ROBO2: variants seen among roughly 807,000 people sequenced by gnomAD.
ROBO2 encodes the protein roundabout guidance receptor 2, also known as roundabout homolog 2.
A neutral mutation model predicts 160.8 loss-of-function variants in ROBO2; 53 were observed. That is an observed-to-expected ratio of 0.33 (90% CI 0.26 to 0.41). The LOEUF (loss-of-function observed/expected upper bound fraction) is 0.41. Among genes scored for constraint, ROBO2 ranks in the 10% least tolerant of loss-of-function variants. The probability of loss-of-function intolerance (pLI) is 1.00; values close to 1 mark genes in which losing one functional copy is unlikely to be tolerated. For synonymous variants in ROBO2, 664 were observed against 611.7 expected, an observed-to-expected ratio of 1.09 and a Z score of -1.26; for missense variants, 1,577 against 1,722.4, an observed-to-expected ratio of 0.92 and a Z score of 1.49.
intron 2 of ROBO2, among the ~76,000 whole-genome samples, chr3:77,325,797 A>G (rs2065318426): frequency 8.2e-6 from 1 of 121,756 alleles, no homozygotes; most frequent in South Asian, 2.7e-4. Flanking sequence ...TGCTCATCCA[A>G]TTCTAACAGT....
chr3:76,474,514 T>C (rs1560008068), intron 2 of ROBO2, among the ~76,000 whole-genome samples: 1 of 152,042 alleles, frequency 6.6e-6, no homozygotes, highest in Non-Finnish European at 1.5e-5. Context: ...AAAGCAGTAA[T>C]AAACAACAGC....
intron 1 of ROBO2, among the ~76,000 whole-genome samples, chr3:77,071,065 C>T (rs2067358834): frequency 6.6e-6 from 1 of 152,086 alleles, no homozygotes; most frequent in African/African-American, 2.4e-5. Context: ...CTAAGTCTTT[C>T]GGAAGCCGCA....
intron 2 of ROBO2, among the ~76,000 whole-genome samples, chr3:77,241,381 T>C (rs2089013381): frequency 6.6e-6 from 1 of 152,248 alleles, no homozygotes; most frequent in Admixed American, 6.5e-5. Flanking sequence ...TATCTTTTTA[T>C]TTGTAAGTTT....
At chr3:76,298,651 C>T (rs567195564) in intron 2 of ROBO2, among the ~76,000 whole-genome samples, 9 of 152,062 alleles carry the variant, frequency 5.9e-5, no homozygotes. Flanking sequence ...TTGTTTAACC[C>T]TCAAAACAAC....
At chr3:76,452,171 A>AT (rs1163985594) in intron 2 of ROBO2, among the ~76,000 whole-genome samples, 1 of 151,662 alleles carries the variant, frequency 6.6e-6, no homozygotes, top group Non-Finnish European at 1.5e-5. Flanking sequence ...CTTCCAACTT[A>AT]TTTTTTTATT....
Position 76,407,064 on chromosome 3 carries a change from A to G in ROBO2, c.109+469462A>G, listed in dbSNP as rs1434647510. Among the ~76,000 whole-genome samples, 3 of 150,380 alleles carry G rather than the reference A, an allele frequency of 2.0e-5. No individual in the cohort carries two copies. In the East Asian group the frequency reaches 5.9e-4, roughly 30 times the overall value. On this transcript the variant is annotated intron_variant, in intron 2 of 26. Coordinates refer to the ROBO2 transcript ENST00000487694. ...TTGCTTACTGTGTCCCAAACATGCAATGTTTCTTTTTTTAGACACACCAGT... is the reference window on the plus strand; with the variant it reads ...TTGCTTACTGTGTCCCAAACATGCAGTGTTTCTTTTTTTAGACACACCAGT...
intron 1 of ROBO2, among the ~76,000 whole-genome samples, chr3:75,935,722 CAT>C (rs1947745068): frequency 6.6e-6 from 1 of 152,156 alleles, no homozygotes. Flanking sequence ...CTTGAGCCTC[CAT>C]ACACAAGACA....
At chr3:76,132,070 C>T (rs2071243415) in intron 2 of ROBO2, among the ~76,000 whole-genome samples, 1 of 152,036 alleles carries the variant, frequency 6.6e-6, no homozygotes, top group Non-Finnish European at 1.5e-5. Context: ...CAGTGATTCA[C>T]CAGGAAGGAT....
chr3:76,394,986 T>G (rs1415150035), intron 2 of ROBO2, among the ~76,000 whole-genome samples: 1 of 152,088 alleles, frequency 6.6e-6, no homozygotes, highest in Non-Finnish European at 1.5e-5. Flanking sequence ...CTAATAGACA[T>G]CTACAGAACT....
chr3:76,724,418 G>T (rs148690227), intron 2 of ROBO2, among the ~76,000 whole-genome samples: 1 of 152,102 alleles, frequency 6.6e-6, no homozygotes, highest in African/African-American at 2.4e-5. Flanking sequence ...AACTATTTCC[G>T]CAAGTCTTCA....
intron 6 of ROBO2, among the ~76,000 whole-genome samples, chr3:77,530,013 C>T (rs2091525316): frequency 6.6e-6 from 1 of 151,552 alleles, no homozygotes. Context: ...AAAGTATAAG[C>T]CAAGTAAAAT....
At chr3:76,252,234 G>A (rs1706049289) in intron 2 of ROBO2, among the ~76,000 whole-genome samples, 2 of 152,026 alleles carry the variant, frequency 1.3e-5, no homozygotes, top group African/African-American at 4.8e-5. Context: ...TGAGCAGGCT[G>A]GGATTATACA....
chr3:77,309,874 C>A (rs943958326), intron 2 of ROBO2, among the ~76,000 whole-genome samples: 1 of 152,156 alleles, frequency 6.6e-6, no homozygotes, highest in African/African-American at 2.4e-5. Context: ...AAAACAGCAA[C>A]AGTAAGGCTT....
At chr3:77,135,929 A>C (rs1402959667) in intron 2 of ROBO2, among the ~76,000 whole-genome samples, 2 of 152,228 alleles carry the variant, frequency 1.3e-5, no homozygotes, top group African/African-American at 4.8e-5. Context: ...CAATTGCTTA[A>C]AGTTTTCATA....
At chr3:76,485,586 C>G (rs2079449641) in intron 2 of ROBO2, among the ~76,000 whole-genome samples, 1 of 152,118 alleles carries the variant, frequency 6.6e-6, no homozygotes, top group South Asian at 2.1e-4. Context: ...TGTGGAAAGA[C>G]CTTTGCCTTG....
chr3:76,467,459 C>G (rs1577397067), intron 2 of ROBO2, among the ~76,000 whole-genome samples: 2 of 152,020 alleles, frequency 1.3e-5, no homozygotes, highest in East Asian at 3.9e-4. Flanking sequence ...GTGGTGGTCA[C>G]CAAATATTTT....
chr3:76,362,144 C>A (rs2075558098), intron 2 of ROBO2, among the ~76,000 whole-genome samples: 1 of 152,020 alleles, frequency 6.6e-6, no homozygotes, highest in South Asian at 2.1e-4. Flanking sequence ...GTGGGAGGAT[C>A]AGTTGGATCC....
At chr3:77,233,253 A>G (rs770279258) in intron 2 of ROBO2, among the ~76,000 whole-genome samples, 14 of 152,232 alleles carry the variant, frequency 9.2e-5, no homozygotes, top group Non-Finnish European at 1.8e-4. Context: ...CAATAAGGTG[A>G]AGCCTGATTG....
chr3:77,386,786 A>G (rs556292287), intron 2 of ROBO2, among the ~76,000 whole-genome samples: 18 of 151,618 alleles, frequency 1.2e-4, no homozygotes, highest in African/African-American at 3.9e-4. Flanking sequence ...TATTTTTGGT[A>G]GAGACAAGGT....
Sources: allele counts gnomAD v4.1 joint callset (sites outside exome capture counted in the v4.1 genomes callset), GRCh38; gene constraint gnomAD v4.1.1; transcripts MANE v1.5; gene names NCBI Gene and HGNC (gene_info 2026-07-23, HGNC 2026-07-21).